Variants in NUP210L observed in about 807,000 individuals in gnomAD.
NUP210L encodes nucleoporin 210 like, also known as nuclear pore membrane glycoprotein 210-like.
NUP210L carries 74 observed loss-of-function variants against 208.5 expected under a neutral mutation model. That is an observed-to-expected ratio of 0.35 (90% confidence interval 0.29 to 0.43). NUP210L has a LOEUF of 0.43. NUP210L is among the 20% of genes least tolerant of loss of function. The pLI is 1.00. For synonymous variants in NUP210L, 780 were observed against 816.9 expected, an observed-to-expected ratio of 0.95 and a Z score of 0.77; for missense variants, 1,843 against 2,289.4, an observed-to-expected ratio of 0.81 and a Z score of 3.98.
At chr1:154,025,687 A>G in exon 30 of NUP210L, 1 of 1,613,458 alleles carries the variant, frequency 6.2e-7, no homozygotes. Flanking sequence ...ACACTTGAGA[A>G]CACGAGAACT....
intron 25 of NUP210L, among the ~76,000 whole-genome samples, chr1:154,051,692 T>TG (rs1282963632): frequency 6.6e-6 from 1 of 152,234 alleles, no homozygotes; most frequent in Non-Finnish European, 1.5e-5. Flanking sequence ...CTTTGGAAAA[T>TG]GGATGTCACA....
intron 27 of NUP210L, among the ~76,000 whole-genome samples, chr1:154,032,348 A>G (rs1380181633): frequency 2.0e-5 from 3 of 152,178 alleles, no homozygotes; most frequent in Non-Finnish European, 2.9e-5. Flanking sequence ...CCTTTTCTCT[A>G]CATCCTTGCC....
chr1:154,147,081 G>C (rs546036889), intron 2 of NUP210L, among the ~76,000 whole-genome samples: 21 of 152,222 alleles, frequency 1.4e-4, no homozygotes, highest in African/African-American at 5.1e-4. Context: ...TAGGCTTCAT[G>C]ACCCCTTTTA....
At chr1:154,092,555 T>G (rs1056829340) in intron 15 of NUP210L, among the ~76,000 whole-genome samples, 4 of 151,140 alleles carry the variant, frequency 2.6e-5, no homozygotes, top group African/African-American at 7.3e-5. Flanking sequence ...TTTTTGTTTT[T>G]TTTTTTTTTT....
intron 27 of NUP210L, among the ~76,000 whole-genome samples, chr1:154,043,180 C>T (rs1447223629): frequency 6.7e-6 from 1 of 150,088 alleles, no homozygotes; most frequent in African/African-American, 2.5e-5. Context: ...CCACTATGCC[C>T]AGCTAATTTT....
At chr1:154,131,511 T>C (rs1042847567) in intron 7 of NUP210L, among the ~76,000 whole-genome samples, 1 of 152,084 alleles carries the variant, frequency 6.6e-6, no homozygotes, top group Non-Finnish European at 1.5e-5. Flanking sequence ...ATCTCTGCCA[T>C]CTTTCTCTCT....
intron 35 of NUP210L, among the ~76,000 whole-genome samples, chr1:154,006,964 A>T (rs1472002438): frequency 1.2e-4 from 14 of 114,814 alleles, no homozygotes; most frequent in East Asian, 2.6e-4. Context: ...ATATATATAT[A>T]TATTTTTTTT....
At chr1:154,062,019 G>A (rs748985240) in intron 17 of NUP210L, among the ~76,000 whole-genome samples, 3 of 151,870 alleles carry the variant, frequency 2.0e-5, no homozygotes, top group South Asian at 4.2e-4. Context: ...GTAGAGATGG[G>A]GTTTCACTAT....
At chr1:154,144,204 A>G (rs1659001719) in intron 2 of NUP210L, among the ~76,000 whole-genome samples, 1 of 152,150 alleles carries the variant, frequency 6.6e-6, no homozygotes, top group Admixed American at 6.5e-5. Context: ...TAAATAAAAA[A>G]TAAAAAGTGA....
chr1:154,111,261 T>C (rs1055608819), intron 12 of NUP210L, among the ~76,000 whole-genome samples: 2 of 151,246 alleles, frequency 1.3e-5, no homozygotes, highest in African/African-American at 2.5e-5. Context: ...CAGGCGCCTA[T>C]AATCCCAGCT....
At chr1:154,049,730 G>T (rs770830567) in intron 25 of NUP210L, among the ~76,000 whole-genome samples, 1 of 152,112 alleles carries the variant, frequency 6.6e-6, no homozygotes, top group Admixed American at 6.5e-5. Context: ...ACCTATGGGG[G>T]CATTACAGCC....
At chr1:154,118,432 C>T (rs908192973) in intron 11 of NUP210L, among the ~76,000 whole-genome samples, 4 of 152,052 alleles carry the variant, frequency 2.6e-5, no homozygotes, top group Admixed American at 2.0e-4. Flanking sequence ...CAAAAAAAGA[C>T]ACAACAGAAC....
At chr1:154,062,866 T>C (rs1338767845) in intron 17 of NUP210L, among the ~76,000 whole-genome samples, 2 of 152,196 alleles carry the variant, frequency 1.3e-5, no homozygotes, top group South Asian at 2.1e-4. Context: ...AGGTGTGAGC[T>C]ACTGCACATG....
At chr1:154,127,867 T>G (rs1173377163) in intron 8 of NUP210L, among the ~76,000 whole-genome samples, 1 of 151,562 alleles carries the variant, frequency 6.6e-6, no homozygotes, top group Non-Finnish European at 1.5e-5. Flanking sequence ...AAGTAGATTT[T>G]TTTGTTGTTA....
At chr1:154,074,577 C>T (rs1654940358) in intron 16 of NUP210L, among the ~76,000 whole-genome samples, 1 of 151,322 alleles carries the variant, frequency 6.6e-6, no homozygotes, top group South Asian at 2.1e-4. Flanking sequence ...CAACCCCTGC[C>T]TCCCCAGTTC....
chr1:154,005,946 T>A lies in NUP210L; in HGVS notation c.4931-3961A>T, dbSNP rs147179281. Reference sequence around the variant, plus strand: ...CACATTGGTAAGGCTGGTCTCGAACTCCCGACCTCAGGTAATCTGCCCACC... The same window carrying A: ...CACATTGGTAAGGCTGGTCTCGAACACCCGACCTCAGGTAATCTGCCCACC... On this transcript the variant is annotated intron_variant, in intron 35 of 39. Coordinates refer to ENST00000368559, the Ensembl canonical transcript of NUP210L. Among the ~76,000 whole-genome samples, 1,136 of 151,948 alleles carry A rather than the reference T, an allele frequency of 7.5e-3. 13 individuals carry two copies. Among genetic ancestry groups the A allele is most frequent in the African/African-American group, 0.026 (1,096 of 41,468 alleles).
chr1:154,007,680 C>T (rs1354446261), intron 35 of NUP210L, among the ~76,000 whole-genome samples: 2 of 151,922 alleles, frequency 1.3e-5, no homozygotes, highest in Admixed American at 1.3e-4. Context: ...TCACGCCATT[C>T]TCCTGCCTCA....
At chr1:154,120,565 A>G (rs893731716) in intron 10 of NUP210L, among the ~76,000 whole-genome samples, 12 of 151,728 alleles carry the variant, frequency 7.9e-5, no homozygotes, top group African/African-American at 2.7e-4. Context: ...AACATGGCAC[A>G]TGTATACATA....
intron 27 of NUP210L, among the ~76,000 whole-genome samples, chr1:154,041,693 C>T (rs533476027): frequency 6.6e-6 from 1 of 152,044 alleles, no homozygotes; most frequent in Admixed American, 6.6e-5. Context: ...ACCATCTTCC[C>T]ACTTGCCTCT....
Sources: gnomAD v4.1 joint callset for allele counts (sites outside exome capture counted in the v4.1 genomes callset) on GRCh38, gnomAD v4.1.1 for gene constraint, MANE v1.5 for transcripts, NCBI Gene and HGNC (gene_info 2026-07-23, HGNC 2026-07-21) for gene names.